Variants in DDR2 observed in about 807,000 individuals in gnomAD.
The protein encoded by DDR2 is discoidin domain receptor tyrosine kinase 2.
DDR2 carries 27 observed loss-of-function variants against 94.9 expected under a neutral mutation model. The ratio of observed to expected loss-of-function variants is 0.28; its 90% CI spans 0.21 to 0.39. DDR2 has a LOEUF of 0.39. Among genes scored for constraint, DDR2 ranks in the 10% least tolerant of loss-of-function variants. The pLI, the probability that DDR2 is intolerant of heterozygous loss-of-function variation, is 1.00. For synonymous variants in DDR2, 382 were observed against 377.2 expected, an observed-to-expected ratio of 1.01 and a Z score of -0.15; for missense variants, 783 against 1,076.0, an observed-to-expected ratio of 0.73 and a Z score of 3.81.
At chr1:162,749,316 A>C (rs1224714806) in intron 3 of DDR2, among the ~76,000 whole-genome samples, 1 of 152,244 alleles carries the variant, frequency 6.6e-6, no homozygotes, top group Non-Finnish European at 1.5e-5. Flanking sequence ...AAAAATGATA[A>C]AGGAGTTATC....
At chr1:162,710,933 A>T (rs1465482783) in intron 2 of DDR2, among the ~76,000 whole-genome samples, 1 of 152,162 alleles carries the variant, frequency 6.6e-6, no homozygotes, top group Non-Finnish European at 1.5e-5. Flanking sequence ...GCTACAGGCC[A>T]CAGATGATTT....
intron 7 of DDR2, among the ~76,000 whole-genome samples, chr1:162,756,017 T>C (rs919226782): frequency 3.1e-4 from 47 of 152,306 alleles, no homozygotes; most frequent in African/African-American, 1.1e-3. Context: ...GGCTAAAGTT[T>C]GTGATATGGC....
Position 162,771,245 on chromosome 1 carries a change from G to C in DDR2, c.1504+733G>C, listed in dbSNP as rs115124027. Among the ~76,000 whole-genome samples the C allele has an allele frequency of 1.8e-3, 276 of 152,298 alleles. 2 individuals carry two copies. Among genetic ancestry groups the C allele is most frequent in the Non-Finnish European group, 3.0e-3 (205 of 68,032 alleles). On this transcript the variant is annotated intron_variant, in intron 12 of 17. Coordinates refer to ENST00000367921, the MANE Select transcript of DDR2 (RefSeq NM_006182.4). ...TTAGCTCAGAGCAACTTTTCTATAA[G>C]ATCATCAACCTGAGGGACCCGAGTC...
intron 4 of DDR2, 25 bp downstream of exon 4, chr1:162,753,222 C>G: frequency 6.2e-7 from 1 of 1,604,998 alleles, no homozygotes; most frequent in Non-Finnish European, 8.5e-7. Flanking sequence ...ATCAAGAAAG[C>G]CCATGTTCTG....
intron 2 of DDR2, among the ~76,000 whole-genome samples, chr1:162,679,750 C>T (rs1378366029): frequency 6.8e-6 from 1 of 146,286 alleles, no homozygotes; most frequent in Non-Finnish European, 1.5e-5. Context: ...CTAATTTGCA[C>T]TCCCACCAGC....
intron 3 of DDR2, among the ~76,000 whole-genome samples, chr1:162,744,095 G>A (rs534795631): frequency 1.3e-5 from 2 of 152,280 alleles, no homozygotes; most frequent in African/African-American, 4.8e-5. Flanking sequence ...TAGGACAAGT[G>A]AAGTGCCTAG....
intron 2 of DDR2, among the ~76,000 whole-genome samples, chr1:162,675,228 G>T (rs989994963): frequency 2.0e-5 from 3 of 152,194 alleles, no homozygotes; most frequent in African/African-American, 7.2e-5. Flanking sequence ...CATGGTCCAG[G>T]GATGATGCTG....
chr1:162,697,552 T>G (rs1319181289), intron 2 of DDR2, among the ~76,000 whole-genome samples: 1 of 152,214 alleles, frequency 6.6e-6, no homozygotes, highest in Non-Finnish European at 1.5e-5. Context: ...TATTTGTTTT[T>G]GCTGCCAAAG....
rs1648124794 is a variant in DDR2 at position 162,785,802 on chromosome 1, G to T, written c.*5556G>T. On this transcript the variant is annotated 3_prime_UTR_variant, in exon 18 of 18. Coordinates refer to ENST00000367921, the MANE Select transcript of DDR2 (RefSeq NM_006182.4). ...TTGTTCCTGGTGAAGTGCATTCTCTGTTTGTATACTTTTTGATGGAGAAAT... is the reference window on the plus strand; with the variant it reads ...TTGTTCCTGGTGAAGTGCATTCTCTTTTTGTATACTTTTTGATGGAGAAAT... The T allele has an allele frequency of 6.6e-6, 1 of 152,182 alleles. No individual in the cohort carries two copies. Among genetic ancestry groups the T allele is most frequent in the South Asian group, 2.1e-4 (1 of 4,836 alleles). The allele number at this position is 152,182 out of a possible 1,614,324, so 9.4% of individuals were successfully genotyped here. A position where few individuals can be genotyped will look rare whatever the true frequency, so the allele number is the denominator to read the frequency against.
At chr1:162,719,010 T>C in intron 2 of DDR2, 27 bp from the exon 3 acceptor site, 2 of 1,608,598 alleles carry the variant, frequency 1.2e-6, no homozygotes, top group South Asian at 2.2e-5. Flanking sequence ...TCTCTTTCTG[T>C]TTTCTTGCAT....
intron 2 of DDR2, among the ~76,000 whole-genome samples, chr1:162,711,775 TATATATACACACACATAC>T (rs1043681331): frequency 5.3e-5 from 8 of 151,398 alleles, no homozygotes; most frequent in African/African-American, 1.5e-4. Context: ...TATATTTATA[TATATATACACACACATAC>T]ATATATACAC....
At chr1:162,779,177 G>C (rs533907324) in intron 17 of DDR2, among the ~76,000 whole-genome samples, 2 of 152,160 alleles carry the variant, frequency 1.3e-5, no homozygotes, top group African/African-American at 4.8e-5. Flanking sequence ...GTCTGAAAAT[G>C]GGCAGATATA....
intron 2 of DDR2, among the ~76,000 whole-genome samples, chr1:162,671,827 T>C (rs1235179493): frequency 6.6e-6 from 1 of 152,218 alleles, no homozygotes; most frequent in Non-Finnish European, 1.5e-5. Flanking sequence ...GTTATCACAA[T>C]TCGTTTTGTC....
intron 3 of DDR2, among the ~76,000 whole-genome samples, chr1:162,724,553 T>C (rs1172222326): frequency 6.6e-6 from 1 of 152,182 alleles, no homozygotes; most frequent in African/African-American, 2.4e-5. Context: ...CGCTCCCTTG[T>C]CTTCCACCAA....
intron 1 of DDR2, among the ~76,000 whole-genome samples, chr1:162,646,472 G>A (rs1045634122): frequency 1.3e-5 from 2 of 152,158 alleles, no homozygotes; most frequent in African/African-American, 4.8e-5. Flanking sequence ...GGTGTGAGGT[G>A]AGTGCTTTGG....
intron 1 of DDR2, among the ~76,000 whole-genome samples, chr1:162,642,012 G>A (rs180716525): frequency 4.6e-5 from 7 of 152,076 alleles, no homozygotes; most frequent in African/African-American, 1.4e-4. Flanking sequence ...GTGCAGTGGC[G>A]GGATCTCGGA....
intron 3 of DDR2, among the ~76,000 whole-genome samples, chr1:162,730,058 CAAAAAAAAAAA>C (rs1157549226): frequency 1.6e-5 from 1 of 64,188 alleles, no homozygotes; most frequent in East Asian, 4.4e-4. Flanking sequence ...TTTTTTTTTG[CAAAAAAAAAAA>C]AAAAAATCTA....
chr1:162,696,214 T>TA (rs34098783), intron 2 of DDR2, among the ~76,000 whole-genome samples: 23 of 137,294 alleles, frequency 1.7e-4, no homozygotes, highest in Admixed American at 2.1e-4. Flanking sequence ...TTTTTTTTTT[T>TA]AAAAAAAAAA....
chr1:162,741,209 C>CAATACAATACAATACAATATAATAT (rs368631311), intron 3 of DDR2, among the ~76,000 whole-genome samples: 1 of 69,570 alleles, frequency 1.4e-5, no homozygotes, highest in African/African-American at 4.4e-5. Flanking sequence ...CAATACAATA[C>CAATACAATACAATACAATATAATAT]AATATAATAT....
Sources: allele counts gnomAD v4.1 joint callset (sites outside exome capture counted in the v4.1 genomes callset), GRCh38; gene constraint gnomAD v4.1.1; transcripts MANE v1.5; gene names NCBI Gene and HGNC (gene_info 2026-07-23, HGNC 2026-07-21).